Variants in DNAJC4 observed in about 807,000 individuals in gnomAD.
The protein encoded by DNAJC4 is DnaJ heat shock protein family (Hsp40) member C4.
Under a neutral mutation model 26.8 loss-of-function variants are expected in DNAJC4, and 26 were observed. That is an observed-to-expected ratio of 0.97 (90% confidence interval 0.71 to 1.34). DNAJC4 has a LOEUF of 1.34. Ranked by LOEUF, DNAJC4 falls within the 40% of genes most tolerant of loss-of-function variation. DNAJC4 has a pLI of 0.00. For synonymous variants in DNAJC4, 134 were observed against 127.8 expected (o/e 1.05, Z -0.33); for missense variants, 342 against 321.1 (o/e 1.07, Z -0.50).
In DNAJC4 at chr11:64,232,581, C is replaced by T. The variant is rs758973410; in HGVS notation, c.332C>T (p.Thr111Ile). 5 of 1,606,646 alleles carry T rather than the reference C, an allele frequency of 3.1e-6. No individual in the cohort carries two copies. The highest frequency in any genetic ancestry group is 3.3e-4 in the Middle Eastern group (2 of 6,036). ...AGTCCCCCAAAGTCTCCACGAACCACAGTCCATGACAAGTCTGCCCACCAA... is the reference window on the plus strand; with the variant it reads ...AGTCCCCCAAAGTCTCCACGAACCATAGTCCATGACAAGTCTGCCCACCAA... ...SGSPPKSPRT[T>I]VHDKSAHQTH... Residue 111 changes from threonine to isoleucine, a missense_variant, in exon 3 of 6, where the codon ACA becomes ATA. Transcript: ENST00000628077.
Position 64,232,769 on chromosome 11 carries a change from A to G in DNAJC4, c.431A>G (p.Gln144Arg). 1 of 1,613,316 alleles carries G rather than the reference A, an allele frequency of 6.2e-7. No homozygotes were observed. Among genetic ancestry groups the G allele is most frequent in the Non-Finnish European group, 8.5e-7 (1 of 1,179,658 alleles). ...QFHSVRPQGP[Q>R]LRQQQHKQNK... is the part of the protein sequence containing the mutation. The stretch of plus-strand genomic sequence containing the variant: ...CACAGCGTGAGGCCACAGGGGCCCC[A>G]GTTGAGGCAGCAGCAACACAAACAA... The change falls in exon 4 of 6, where the codon CAG (glutamine) becomes CGG (arginine). Residue 144 changes from glutamine (Q) to arginine (R), a missense_variant. Transcript: ENST00000628077.
At chr11:64,233,504 G>A (rs1215874162) in intron 4 of DNAJC4, 7 of 203,648 alleles carry the variant, frequency 3.4e-5, no homozygotes, top group Non-Finnish European at 6.1e-5. Flanking sequence ...GCCTCCCAAA[G>A]TACTGGGATT....
rs758063672 is a variant in DNAJC4, at chr11:64,231,971, G to C, written c.180+7G>C. 2 of 1,613,894 alleles carry C rather than the reference G, an allele frequency of 1.2e-6. No individual in the cohort carries two copies. Among genetic ancestry groups the C allele is most frequent in the Non-Finnish European group, 1.7e-6 (2 of 1,179,894 alleles). On this transcript the variant is annotated splice_region_variant and intron_variant, in intron 2 of 5. Transcript: ENST00000628077. ...CTTCTCCAAGTCCAAAGAGGTACCC[G>C]TACCCCTGAGGTGGGGAGGGGGAGC...
intron 4 of DNAJC4, 141 bp from the exon 5 acceptor site, chr11:64,233,753 T>G: frequency 8.7e-7 from 1 of 1,145,534 alleles, no homozygotes. Flanking sequence ...CCTCCCTATC[T>G]ATCACAGGAA....
intron 4 of DNAJC4, 46 bp downstream of exon 4, chr11:64,232,911 G>A (rs1366736027): frequency 1.3e-6 from 2 of 1,513,592 alleles, no homozygotes; most frequent in African/African-American, 1.4e-5. Context: ...GCAGGAGGGT[G>A]GGTGAATTCC....
chr11:64,234,266 T>G lies in DNAJC4; in HGVS notation c.*82T>G. On this transcript the variant is annotated 3_prime_UTR_variant, in exon 6 of 6. Coordinates refer to ENST00000628077, the MANE Select transcript of DNAJC4 (RefSeq NM_005528.4). This position sits in a 1 kb window ranked among gnomAD's most constrained non-coding sequence, Gnocchi z 5.3. ...GGCCCGCTCCCCGAAACGCGCGCAA[T>G]AAAGTGATTCGCAGAGCTCGTGTCC... 5 of 1,464,940 alleles carry G rather than the reference T, an allele frequency of 3.4e-6. No individual in the cohort carries two copies. The highest frequency in any genetic ancestry group is 4.6e-6 in the Non-Finnish European group (5 of 1,097,420). 90.7% of individuals were successfully genotyped at this position (1,464,940 alleles called of 1,614,324 possible). A position where few individuals can be genotyped will look rare whatever the true frequency, so the allele number is the denominator to read the frequency against.
In DNAJC4 at chr11:64,232,823, T is replaced by C; in HGVS notation, c.485T>C (p.Leu162Pro). ...AAACAAGTGCTGGGGTACTGCCTCCTCCTCATGCTGGCGGGCATGGGCCTG... is the reference window on the plus strand; with the variant it reads ...AAACAAGTGCTGGGGTACTGCCTCCCCCTCATGCTGGCGGGCATGGGCCTG... ...QNKQVLGYCL[L>P]LMLAGMGLHY... The change falls in exon 4 of 6, where the codon CTC becomes CCC. Residue 162 changes from leucine to proline, a missense_variant. Coordinates refer to ENST00000628077, the MANE Select transcript of DNAJC4 (RefSeq NM_005528.4). 6.2e-7 allele frequency: 1 copy of C among 1,611,608 alleles called. No homozygotes were observed. Among genetic ancestry groups the C allele is most frequent in the Non-Finnish European group, 8.5e-7 (1 of 1,178,598 alleles).
chr11:64,231,816 A>C, intron 1 of DNAJC4, 55 bp from the exon 2 acceptor site: 143 of 1,537,596 alleles, frequency 9.3e-5, no homozygotes, highest in Middle Eastern at 1.7e-4. Flanking sequence ...AAGGCAGGGC[A>C]GAGCTAGCTT....
chr11:64,230,967 G>C, intron 1 of DNAJC4, 27 bp downstream of exon 1: 3 of 1,538,048 alleles, frequency 2.0e-6, no homozygotes, highest in Non-Finnish European at 2.6e-6. Context: ...GGGCCGGCCC[G>C]GTTGTTCAAT....
At chr11:64,233,679 A>G in intron 4 of DNAJC4, 1 of 614,936 alleles carries the variant, frequency 1.6e-6, no homozygotes. Flanking sequence ...CTGCTGTCAC[A>G]CCTCAAAGTG....
Position 64,230,753 on chromosome 11 carries a change from G to A in DNAJC4, c.-102G>A. ...CTTCAGTCTTCCTTTGCAGAACAAC[G>A]GGCCAGGCCCCTTCCCTCTGCCCCC... On this transcript the variant is annotated 5_prime_UTR_variant, in exon 1 of 6. Transcript: ENST00000628077. 5 of 1,467,216 alleles carry A rather than the reference G, an allele frequency of 3.4e-6. No individual in the cohort carries two copies. Among genetic ancestry groups the A allele is most frequent in the Non-Finnish European group, 4.6e-6 (5 of 1,083,752 alleles). 90.9% of individuals were successfully genotyped at this position (1,467,216 alleles called of 1,614,324 possible).
intron 2 of DNAJC4, 87 bp downstream of exon 2, chr11:64,232,051 C>G (rs1591075348): frequency 7.1e-7 from 1 of 1,401,876 alleles, no homozygotes; most frequent in East Asian, 2.3e-5. Flanking sequence ...AGACCAGCAT[C>G]TCTGGCGGGT....
intron 1 of DNAJC4, 125 bp downstream of exon 1, chr11:64,231,065 C>G: frequency 8.1e-7 from 1 of 1,233,976 alleles, no homozygotes; most frequent in Non-Finnish European, 1.1e-6. Context: ...TAACCCTCGC[C>G]TTCCCTGCTG....
At position 64,232,571 on chromosome 11, in the gene DNAJC4, C is replaced by A. The variant is rs754043668; in HGVS notation, c.322C>A (p.Pro108Thr). The A allele has an allele frequency of 3.7e-6, 6 of 1,611,382 alleles. No homozygotes were observed. Among genetic ancestry groups the A allele is most frequent in the Non-Finnish European group, 5.1e-6 (6 of 1,178,024 alleles). ...CCGCTCAGGTAGTCCCCCAAAGTCT[C>A]CACGAACCACAGTCCATGACAAGTC... ...QLRSGSPPKS[P>T]RTTVHDKSAH... Residue 108 changes from proline to threonine, a missense_variant, in exon 3 of 6, where the codon CCA becomes ACA. Physicochemically the swap from Pro to Thr is conservative, Grantham distance 38. Transcript: ENST00000628077.
Position 64,230,730 on chromosome 11 carries a change from T to G in DNAJC4, c.-125T>G, listed in dbSNP as rs1385158273. The stretch of plus-strand genomic sequence containing the variant: ...GAACCGCCCCCTCTCCGGGCCTGCT[T>G]CAGTCTTCCTTTGCAGAACAACGGG... On this transcript the variant is annotated 5_prime_UTR_variant, in exon 1 of 6. Coordinates refer to ENST00000628077, the MANE Select transcript of DNAJC4 (RefSeq NM_005528.4). The G allele has an allele frequency of 2.2e-6, 3 of 1,349,794 alleles. No homozygotes were observed. The highest frequency in any genetic ancestry group is 2.0e-6 in the Non-Finnish European group (2 of 980,240). The allele number at this position is 1,349,794 out of a possible 1,614,324, so 83.6% of individuals were successfully genotyped here.
At position 64,231,965 on chromosome 11, in the gene DNAJC4, G is replaced by C. The variant is rs1489953772; in HGVS notation, c.180+1G>C. 6.2e-7 allele frequency: 1 copy of C among 1,614,044 alleles called. No individual in the cohort carries two copies. The highest frequency in any genetic ancestry group is 8.5e-7 in the Non-Finnish European group (1 of 1,179,998). On this transcript the variant is annotated splice_donor_variant, in intron 2 of 5. Transcript: ENST00000628077. LOFTEE classifies it high-confidence loss of function. Reference sequence around the variant, plus strand: ...AGCTTTCTTCTCCAAGTCCAAAGAGGTACCCGTACCCCTGAGGTGGGGAGG... The same window carrying C: ...AGCTTTCTTCTCCAAGTCCAAAGAGCTACCCGTACCCCTGAGGTGGGGAGG...
chr11:64,232,441 C>T lies in DNAJC4; in HGVS notation c.192C>T (p.Asp64=). Residue 64 remains aspartate, a synonymous_variant, in exon 3 of 6, where the codon GAC becomes GAT. Coordinates refer to ENST00000628077, the MANE Select transcript of DNAJC4 (RefSeq NM_005528.4). The part of the protein sequence containing the change: ...FFSKSKELHP[D]RDPGNPSLHS... ...CTGCCCCACCCCAGCTGCACCCAGA[C>T]CGGGACCCTGGGAACCCAAGCCTGC... 4 of 1,590,400 alleles carry T rather than the reference C, an allele frequency of 2.5e-6. No homozygotes were observed. Among genetic ancestry groups the T allele is most frequent in the Non-Finnish European group, 3.4e-6 (4 of 1,164,912 alleles).
At chr11:64,231,435 G>A (rs549198460) in intron 1 of DNAJC4, 52 of 196,452 alleles carry the variant, frequency 2.6e-4, no homozygotes, top group Non-Finnish European at 4.8e-4. Flanking sequence ...TCCGCCTCCC[G>A]GGTTCAAGCG....
At position 64,231,901 on chromosome 11, in the gene DNAJC4, G is replaced by C; in HGVS notation, c.117G>C (p.Leu39Phe). Residue 39 changes from leucine (L) to phenylalanine (F), a missense_variant, in exon 2 of 6, where the codon TTG becomes TTC. Transcript: ENST00000628077. ...GACCCAGTACTTATTATGAACTGTT[G>C]GGGGTGCATCCTGGTGCCAGCACTG... ...RSRPSTYYELLGVHPGASTEE... is the reference protein window; with the variant it reads ...RSRPSTYYELFGVHPGASTEE... 2 of 1,614,078 alleles carry C rather than the reference G, an allele frequency of 1.2e-6. No homozygotes were observed. The highest frequency in any genetic ancestry group is 1.7e-6 in the Non-Finnish European group (2 of 1,179,996).
Sources: allele counts gnomAD v4.1 joint callset, GRCh38; gene constraint gnomAD v4.1.1; non-coding constraint Gnocchi (gnomAD v3.1); transcripts MANE v1.5; gene names NCBI Gene and HGNC (gene_info 2026-07-23, HGNC 2026-07-21).